Variants in CBFB observed in about 807,000 individuals in gnomAD.
CBFB encodes the protein core-binding factor subunit beta, also known as CBF-beta.
CBFB carries 9 observed loss-of-function variants against 30.4 expected under a neutral mutation model. The ratio of observed to expected loss-of-function variants is 0.30; its 90% CI spans 0.18 to 0.52. CBFB has a LOEUF of 0.52. Among genes scored for constraint, CBFB ranks in the 20% least tolerant of loss-of-function variants. The pLI, the probability that CBFB is intolerant of heterozygous loss-of-function variation, is 0.97. For synonymous variants in CBFB, 94 were observed against 84.0 expected (o/e 1.12, Z -0.65); for missense variants, 170 against 244.0 (o/e 0.70, Z 2.02).
chr16:67,030,996 G>T (rs1048768236), intron 2 of CBFB, among the ~76,000 whole-genome samples: 3 of 152,152 alleles, frequency 2.0e-5, no homozygotes, highest in African/African-American at 4.8e-5. Context: ...AGCTAGGTGC[G>T]ATTTGAATTT....
At chr16:67,033,248 G>A (rs1447946946) in intron 2 of CBFB, among the ~76,000 whole-genome samples, 1 of 152,176 alleles carries the variant, frequency 6.6e-6, no homozygotes, top group Non-Finnish European at 1.5e-5. Flanking sequence ...AACTCAATCA[G>A]CCTCCTTATT....
intron 4 of CBFB, among the ~76,000 whole-genome samples, chr16:67,079,742 T>A (rs909997999): frequency 1.3e-5 from 2 of 152,172 alleles, no homozygotes; most frequent in African/African-American, 4.8e-5. Flanking sequence ...TGGCTACAAC[T>A]GAGTTACGTG....
chr16:67,088,465 T>A (rs1259684329), intron 5 of CBFB, among the ~76,000 whole-genome samples: 2 of 152,180 alleles, frequency 1.3e-5, no homozygotes, highest in African/African-American at 4.8e-5. Flanking sequence ...ATTTGGTTAA[T>A]GGAAGAAACA....
chr16:67,072,789 G>A (rs1408924510), intron 4 of CBFB, among the ~76,000 whole-genome samples: 1 of 148,222 alleles, frequency 6.7e-6, no homozygotes, highest in Admixed American at 6.7e-5. Flanking sequence ...TTTTTTTTTA[G>A]CGACAGAGTC....
At chr16:67,050,944 G>A (rs1458263507) in intron 3 of CBFB, among the ~76,000 whole-genome samples, 1 of 152,180 alleles carries the variant, frequency 6.6e-6, no homozygotes, top group Non-Finnish European at 1.5e-5. Context: ...ATAAAACATG[G>A]ATGTGCTGGA....
intron 3 of CBFB, among the ~76,000 whole-genome samples, chr16:67,056,562 A>G (rs564508377): frequency 1.3e-5 from 2 of 152,002 alleles, no homozygotes; most frequent in African/African-American, 4.8e-5. Flanking sequence ...CCCAGTATTT[A>G]CTATGTTTTT....
At chr16:67,081,249 A>G (rs775384266) in intron 4 of CBFB, among the ~76,000 whole-genome samples, 21 of 150,922 alleles carry the variant, frequency 1.4e-4, no homozygotes, top group Admixed American at 4.0e-4. Flanking sequence ...GTTCTTGGCG[A>G]TAGTTTACTG....
intron 5 of CBFB, among the ~76,000 whole-genome samples, chr16:67,096,297 C>CA (rs527739530): frequency 2.3e-4 from 34 of 150,736 alleles, no homozygotes; most frequent in African/African-American, 7.1e-4. Context: ...GAAAACAGAG[C>CA]AAGACTCTGT....
At chr16:67,070,418 C>T (rs1410109696) in intron 4 of CBFB, among the ~76,000 whole-genome samples, 1 of 152,124 alleles carries the variant, frequency 6.6e-6, no homozygotes, top group Admixed American at 6.5e-5. Context: ...CCCTGATTTC[C>T]ACAATGCTAA....
intron 4 of CBFB, among the ~76,000 whole-genome samples, chr16:67,080,410 T>C (rs139499304): frequency 6.6e-6 from 1 of 152,212 alleles, no homozygotes; most frequent in Non-Finnish European, 1.5e-5. Context: ...TGGGTAGGAC[T>C]CAGTGGTTGA....
intron 3 of CBFB, among the ~76,000 whole-genome samples, chr16:67,062,866 C>T (rs757137163): frequency 4.6e-5 from 7 of 152,008 alleles, no homozygotes; most frequent in South Asian, 4.2e-4. Context: ...GAATATAAAT[C>T]ATTTATGACT....
At chr16:67,096,320 AAAT>A (rs1256742016) in intron 5 of CBFB, among the ~76,000 whole-genome samples, 13 of 151,976 alleles carry the variant, frequency 8.6e-5, no homozygotes, top group Admixed American at 1.3e-4. Context: ...CAAAAAAAAA[AAAT>A]AATAATAATT....
intron 3 of CBFB, among the ~76,000 whole-genome samples, chr16:67,048,774 C>T (rs566685590): frequency 2.0e-5 from 3 of 147,452 alleles, no homozygotes; most frequent in South Asian, 2.1e-4. Flanking sequence ...AGGATGGTCT[C>T]GATCTCTTGA....
chr16:67,099,154 T>C lies in CBFB; in HGVS notation c.*376T>C, dbSNP rs1962144610. 1 of 250,626 alleles carries C rather than the reference T, an allele frequency of 4.0e-6. No individual in the cohort carries two copies. 15.5% of individuals were successfully genotyped at this position (250,626 alleles called of 1,614,324 possible). A position where few individuals can be genotyped will look rare whatever the true frequency, so the allele number is the denominator to read the frequency against. The stretch of plus-strand genomic sequence containing the variant: ...AATTGTATCAGAGGGTTTTCTCTAA[T>C]CATTTTTTCTATTTTTTTTTTTGTA... On this transcript the variant is annotated 3_prime_UTR_variant, in exon 6 of 6. Transcript: ENST00000412916.
intron 3 of CBFB, among the ~76,000 whole-genome samples, chr16:67,062,819 G>C (rs1016254927): frequency 6.6e-6 from 1 of 151,722 alleles, no homozygotes; most frequent in African/African-American, 2.4e-5. Context: ...TTTTTAAAAA[G>C]AATAAGCCAA....
chr16:67,090,375 A>G (rs1961849391), intron 5 of CBFB, among the ~76,000 whole-genome samples: 1 of 152,264 alleles, frequency 6.6e-6, no homozygotes, highest in African/African-American at 2.4e-5. Context: ...ATATAGAAGC[A>G]TCCTAGCACC....
chr16:67,055,480 C>T (rs1960694392), intron 3 of CBFB, among the ~76,000 whole-genome samples: 1 of 150,698 alleles, frequency 6.6e-6, no homozygotes. Context: ...ATTCTCCTGC[C>T]TCAGCCTACT....
intron 4 of CBFB, among the ~76,000 whole-genome samples, chr16:67,074,962 G>T (rs111635379): frequency 0.058 from 8,750 of 152,148 alleles, 749 homozygotes; most frequent in African/African-American, 0.19. Flanking sequence ...GGTGGCCAAG[G>T]TGGGCAGATC....
At chr16:67,075,568 A>C (rs572109276) in intron 4 of CBFB, among the ~76,000 whole-genome samples, 1 of 151,646 alleles carries the variant, frequency 6.6e-6, no homozygotes, top group Non-Finnish European at 1.5e-5. Flanking sequence ...GTGTGTGTGT[A>C]TATATATATA....
Sources: gnomAD v4.1 joint callset for allele counts (sites outside exome capture counted in the v4.1 genomes callset) on GRCh38, gnomAD v4.1.1 for gene constraint, MANE v1.5 for transcripts, NCBI Gene and HGNC (gene_info 2026-07-23, HGNC 2026-07-21) for gene names.